PPM1D: variants seen among roughly 807,000 people sequenced by gnomAD.
PPM1D encodes protein phosphatase, Mg2+/Mn2+ dependent 1D.
PPM1D carries 52 observed loss-of-function variants against 58.3 expected under a neutral mutation model. The ratio of observed to expected loss-of-function variants is 0.89; its 90% confidence interval spans 0.71 to 1.12. The LOEUF (loss-of-function observed/expected upper bound fraction) is 1.12, where lower values mean the gene tolerates loss of function less well. Among genes scored for constraint, PPM1D ranks in the 50% most tolerant of loss-of-function variants. The probability of loss-of-function intolerance (pLI) is 0.00; values close to 1 mark genes in which losing one functional copy is unlikely to be tolerated. For missense variants in PPM1D, 564 were observed against 777.2 expected (o/e 0.73, Z 3.26); for synonymous variants, 278 against 285.1 (o/e 0.98, Z 0.25).
At chr17:60,619,081 T>C (rs2030645000) in intron 1 of PPM1D, among the ~76,000 whole-genome samples, 1 of 152,250 alleles carries the variant, frequency 6.6e-6, no homozygotes, top group Non-Finnish European at 1.5e-5. Context: ...CCTTCTACTC[T>C]TTCCTTCTGT....
chr17:60,610,646 C>T (rs1051933289), intron 1 of PPM1D, among the ~76,000 whole-genome samples: 4 of 152,190 alleles, frequency 2.6e-5, no homozygotes, highest in Non-Finnish European at 5.9e-5. Flanking sequence ...CTGCCAAGAT[C>T]ATTTGTTTAT....
At position 60,663,013 on chromosome 17, in the gene PPM1D, TG is replaced by T. The variant is rs762431601; in HGVS notation, c.1281del (p.Trp427CysfsTer4). 6.2e-7 allele frequency: 1 copy of T among 1,607,718 alleles called. No individual in the cohort carries two copies. The highest frequency in any genetic ancestry group is 8.5e-7 in the Non-Finnish European group (1 of 1,177,110). Reference sequence around the variant, plus strand: ...TTTTCAGTCACTGGAGGAGGATCCATGGCCAAGGGTGAATTCTAAGGACCAT... The same window carrying T: ...TTTTCAGTCACTGGAGGAGGATCCATGCCAAGGGTGAATTCTAAGGACCAT... ...PPVKSLEEDP[W>X]PRVNSKDHIP... On this transcript the variant is annotated frameshift_variant, in exon 6 of 6. Coordinates refer to ENST00000305921, the MANE Select transcript of PPM1D (RefSeq NM_003620.4). LOFTEE classifies it high-confidence loss of function.
intron 5 of PPM1D, among the ~76,000 whole-genome samples, chr17:60,657,930 G>A (rs1371288258): frequency 3.3e-5 from 5 of 152,160 alleles, no homozygotes; most frequent in East Asian, 1.9e-4. Flanking sequence ...TAGTAGAGAT[G>A]GGGTTTCACC....
Position 60,633,941 on chromosome 17 carries a change from G to A in PPM1D, c.790G>A (p.Asp264Asn). 1 of 1,613,820 alleles carries A rather than the reference G, an allele frequency of 6.2e-7. No individual in the cohort carries two copies. Among genetic ancestry groups the A allele is most frequent in the South Asian group, 1.1e-5 (1 of 91,030 alleles). Residue 264 changes from aspartate to asparagine, a missense_variant, in exon 3 of 6, where the codon GAC becomes AAC. By Grantham distance (23) the Asp-to-Asn change is conservative. Around this residue, in one of 7 missense-constraint regions of PPM1D, gnomAD observed 95 missense variants for 232.6 expected, o/e 0.41. Coordinates refer to ENST00000305921, the MANE Select transcript of PPM1D (RefSeq NM_003620.4). ...NGPVRRSTVI[D>N]QIPFLAVARA... is the part of the protein sequence containing the mutation. ...ACCTGTTAGAAGGAGCACAGTTATT[G>A]ACCAGATTCCTTTTCTGGCAGTAGC...
chr17:60,609,155 G>A (rs964307670), intron 1 of PPM1D, among the ~76,000 whole-genome samples: 4 of 151,922 alleles, frequency 2.6e-5, no homozygotes, highest in Admixed American at 2.6e-4. Context: ...GTGCAATGGC[G>A]TGATCTCGGC....
At chr17:60,654,363 C>T (rs1598412693) in intron 4 of PPM1D, among the ~76,000 whole-genome samples, 1 of 137,830 alleles carries the variant, frequency 7.3e-6, no homozygotes, top group Non-Finnish European at 1.6e-5. Context: ...CCTCCACCTC[C>T]TGGGCTGAAC....
intron 2 of PPM1D, among the ~76,000 whole-genome samples, chr17:60,625,971 T>G (rs769004891): frequency 1.3e-5 from 2 of 152,190 alleles, no homozygotes; most frequent in Non-Finnish European, 2.9e-5. Flanking sequence ...CTCCACTTGC[T>G]AAGCAACCAG....
Position 60,600,586 on chromosome 17 carries a change from C to T in PPM1D, c.172C>T (p.Leu58Phe), listed in dbSNP as rs775961598. The T allele has an allele frequency of 2.6e-6, 4 of 1,555,546 alleles. No individual in the cohort carries two copies. The highest frequency in any genetic ancestry group is 2.4e-5 in the East Asian group (1 of 41,300). Residue 58 changes from leucine to phenylalanine, a missense_variant, in exon 1 of 6, where the codon CTT (leucine) becomes TTT (phenylalanine). By Grantham distance (22) the Leu-to-Phe change is conservative. Around this residue, in one of 7 missense-constraint regions of PPM1D, gnomAD observed 132 missense variants for 150.4 expected, o/e 0.88. Coordinates refer to ENST00000305921, the MANE Select transcript of PPM1D (RefSeq NM_003620.4). Reference protein sequence around the residue: ...PLPPRPSPAALPGGEVSGKGP... With the variant: ...PLPPRPSPAAFPGGEVSGKGP... ...GCCTCCGCGGCCGTCGCCGGCCGCC[C>T]TTCCCGGCGGCGAAGTCTCGGGGAA...
chr17:60,656,578 T>C, intron 4 of PPM1D, 21 bp from the exon 5 acceptor site: 1 of 1,609,674 alleles, frequency 6.2e-7, no homozygotes, highest in Non-Finnish European at 8.5e-7. Context: ...ACTTTCCTTC[T>C]CCTTGTTCTT....
chr17:60,645,498 G>GTATATATATATGTGTATATATATGTA, intron 3 of PPM1D, among the ~76,000 whole-genome samples: 2 of 130,222 alleles, frequency 1.5e-5, no homozygotes, highest in East Asian at 4.6e-4. Context: ...GTGTGTATGT[G>GTATATATATATGTGTATATATATGTA]TATATATATA....
intron 3 of PPM1D, among the ~76,000 whole-genome samples, chr17:60,639,476 C>T (rs570818806): frequency 2.3e-4 from 35 of 151,852 alleles, no homozygotes; most frequent in Middle Eastern, 3.4e-3. Flanking sequence ...CTCACTCTGT[C>T]GCCCAGGCTG....
intron 1 of PPM1D, 110 bp downstream of exon 1, chr17:60,600,996 A>T (rs1406170899): frequency 6.8e-7 from 1 of 1,471,638 alleles, no homozygotes; most frequent in African/African-American, 1.4e-5. Flanking sequence ...CAAAGTATAC[A>T]CTGATGGAAG....
chr17:60,639,436 T>C (rs890571792), intron 3 of PPM1D, among the ~76,000 whole-genome samples: 1 of 150,662 alleles, frequency 6.6e-6, no homozygotes, highest in African/African-American at 2.4e-5. Flanking sequence ...TTAATTCTTC[T>C]TCTTCTTCTT....
At chr17:60,658,793 C>G (rs919886544) in intron 5 of PPM1D, among the ~76,000 whole-genome samples, 1 of 151,792 alleles carries the variant, frequency 6.6e-6, no homozygotes, top group Non-Finnish European at 1.5e-5. Context: ...GAAACCCCAT[C>G]TCTACTAAAA....
chr17:60,631,605 CA>C (rs34657053), intron 2 of PPM1D, among the ~76,000 whole-genome samples: 39 of 141,102 alleles, frequency 2.8e-4, no homozygotes, highest in South Asian at 1.6e-3. Context: ...AGACTGTCTC[CA>C]AAAAAAAAAG....
Position 60,600,249 on chromosome 17 carries a change from G to A in PPM1D, c.-166G>A. Reference sequence around the variant, plus strand: ...GCTCCGGCGCTCCGGCCCAGCTCTCGCGGACAAGTCCAGACATCGCGCGCC... The same window carrying A: ...GCTCCGGCGCTCCGGCCCAGCTCTCACGGACAAGTCCAGACATCGCGCGCC... On this transcript the variant is annotated 5_prime_UTR_variant, in exon 1 of 6. Transcript: ENST00000305921. 1 of 1,344,938 alleles carries A rather than the reference G, an allele frequency of 7.4e-7. No homozygotes were observed. Among genetic ancestry groups the A allele is most frequent in the Non-Finnish European group, 9.8e-7 (1 of 1,022,656 alleles). 83.3% of individuals were successfully genotyped at this position (1,344,938 alleles called of 1,614,324 possible). A position where few individuals can be genotyped will look rare whatever the true frequency, so the allele number is the denominator to read the frequency against.
At chr17:60,660,693 A>C (rs1475911803) in intron 5 of PPM1D, among the ~76,000 whole-genome samples, 1 of 151,588 alleles carries the variant, frequency 6.6e-6, no homozygotes, top group Non-Finnish European at 1.5e-5. Flanking sequence ...CCCGGGAGGC[A>C]GAGGTTGCAG....
At chr17:60,645,646 G>A (rs1182356361) in intron 3 of PPM1D, among the ~76,000 whole-genome samples, 27 of 126,584 alleles carry the variant, frequency 2.1e-4, no homozygotes, top group East Asian at 8.8e-4. Context: ...GTGTGTGTGT[G>A]TATATATATA....
At chr17:60,610,487 A>G (rs988949213) in intron 1 of PPM1D, among the ~76,000 whole-genome samples, 1 of 152,206 alleles carries the variant, frequency 6.6e-6, no homozygotes, top group Non-Finnish European at 1.5e-5. Flanking sequence ...ATTAAAAACA[A>G]TGATGTTTGG....
Sources: allele counts gnomAD v4.1 joint callset (sites outside exome capture counted in the v4.1 genomes callset), GRCh38; gene constraint gnomAD v4.1.1; regional missense constraint gnomAD v4.1.1; transcripts MANE v1.5; gene names NCBI Gene and HGNC (gene_info 2026-07-23, HGNC 2026-07-21).